MAD1L1: variants seen among roughly 807,000 people sequenced by gnomAD.
MAD1L1 encodes the protein mitotic spindle assembly checkpoint protein MAD1.
Under a neutral mutation model 96.9 loss-of-function variants are expected in MAD1L1, and 95 were observed. The ratio of observed to expected loss-of-function variants is 0.98; its 90% CI spans 0.83 to 1.16. MAD1L1 has a LOEUF of 1.16. Ranked by LOEUF, MAD1L1 falls within the 50% of genes most tolerant of loss-of-function variation. MAD1L1 has a pLI of 0.00. For synonymous variants in MAD1L1, 473 were observed against 396.6 expected, an observed-to-expected ratio of 1.19 and a Z score of -2.29; for missense variants, 1,007 against 954.4, an observed-to-expected ratio of 1.06 and a Z score of -0.73.
At chr7:1,922,966 T>C (rs777094456) in intron 17 of MAD1L1, among the ~76,000 whole-genome samples, 54 of 152,302 alleles carry the variant, frequency 3.5e-4, no homozygotes, top group Non-Finnish European at 6.2e-4. Context: ...AAACAGAAAA[T>C]AGCCCCGCAG....
intron 10 of MAD1L1, among the ~76,000 whole-genome samples, chr7:2,203,126 C>G (rs986474641): frequency 2.6e-5 from 4 of 152,210 alleles, no homozygotes; most frequent in African/African-American, 9.6e-5. Flanking sequence ...GGATGGGAAG[C>G]AAGGCCAGAT....
chr7:2,162,541 C>T (rs1462087254), intron 10 of MAD1L1, among the ~76,000 whole-genome samples: 3 of 151,380 alleles, frequency 2.0e-5, no homozygotes, highest in African/African-American at 7.3e-5. Context: ...GTCCTATGAC[C>T]CTGCCAAATC....
At chr7:2,195,675 G>A (rs1445565822) in intron 10 of MAD1L1, among the ~76,000 whole-genome samples, 1 of 152,224 alleles carries the variant, frequency 6.6e-6, no homozygotes, top group East Asian at 1.9e-4. Flanking sequence ...GAACAAGATA[G>A]TATTGTGTTG....
Position 2,055,721 on chromosome 7 carries a change from G to A in MAD1L1, c.1218+13473C>T, listed in dbSNP as rs141902833. Reference sequence around the variant, plus strand: ...GGACCAGGCACAGTGGCTCACAGCTGTAATCCCAGCACTTTGGGAGGCTGA... The same window carrying A: ...GGACCAGGCACAGTGGCTCACAGCTATAATCCCAGCACTTTGGGAGGCTGA... On this transcript the variant is annotated intron_variant, in intron 12 of 18. Coordinates refer to ENST00000265854, the MANE Select transcript of MAD1L1 (RefSeq NM_001013836.2). Among the ~76,000 whole-genome samples the A allele has an allele frequency of 1.2e-4, 18 of 150,772 alleles. No homozygotes were observed. In the East Asian group the frequency reaches 3.3e-3, roughly 28 times the overall value.
At chr7:2,147,942 C>T (rs769442109) in intron 11 of MAD1L1, among the ~76,000 whole-genome samples, 7 of 152,236 alleles carry the variant, frequency 4.6e-5, no homozygotes, top group Non-Finnish European at 7.3e-5. Context: ...AGGCAACTTT[C>T]CTTTCCTTTA....
chr7:1,852,506 T>C (rs1406116843), intron 18 of MAD1L1, among the ~76,000 whole-genome samples: 2 of 152,148 alleles, frequency 1.3e-5, no homozygotes, highest in Non-Finnish European at 2.9e-5. Context: ...GCGGAGAGGC[T>C]GGGGCAGCCA....
intron 11 of MAD1L1, chr7:2,079,818 G>A (rs922840016): frequency 1.3e-5 from 6 of 464,614 alleles, no homozygotes; most frequent in Non-Finnish European, 2.7e-5. Flanking sequence ...AATGAGAACT[G>A]CAGAGACAAG....
At chr7:1,965,083 T>C (rs1780107139) in intron 15 of MAD1L1, among the ~76,000 whole-genome samples, 1 of 152,218 alleles carries the variant, frequency 6.6e-6, no homozygotes, top group African/African-American at 2.4e-5. Context: ...AGCTCCACGT[T>C]TCCAGCCCTG....
At chr7:2,157,742 C>A (rs1168640037) in intron 10 of MAD1L1, among the ~76,000 whole-genome samples, 1 of 152,180 alleles carries the variant, frequency 6.6e-6, no homozygotes, top group Admixed American at 6.5e-5. Flanking sequence ...ACAATTGCAG[C>A]CTTCGCCACA....
At chr7:1,836,203 G>A (rs985831634) in intron 18 of MAD1L1, among the ~76,000 whole-genome samples, 2 of 152,030 alleles carry the variant, frequency 1.3e-5, no homozygotes, top group African/African-American at 4.8e-5. Flanking sequence ...TGTATTTTTA[G>A]TAGAGATGGG....
rs1161801282 is a variant in MAD1L1, at chr7:2,119,444, T to A, written c.1073+29708A>T. Among the ~76,000 whole-genome samples the A allele has an allele frequency of 6.6e-6, 1 of 151,950 alleles. No homozygotes were observed. The highest frequency in any genetic ancestry group is 1.5e-5 in the Non-Finnish European group (1 of 67,984). ...GCAGGAGCTGTCGTGGGGCGCACAC[T>A]CTCTGTAGCTGGCCAAAGCTGGACG... is the stretch of plus-strand genomic sequence containing the variant. On this transcript the variant is annotated intron_variant, in intron 11 of 18. Coordinates refer to ENST00000265854, the MANE Select transcript of MAD1L1 (RefSeq NM_001013836.2). This position sits in a 1 kb window ranked among gnomAD's most constrained non-coding sequence, Gnocchi z 4.6.
At chr7:1,928,373 C>A (rs1005889561) in intron 17 of MAD1L1, among the ~76,000 whole-genome samples, 2 of 151,564 alleles carry the variant, frequency 1.3e-5, no homozygotes, top group Admixed American at 6.6e-5. Flanking sequence ...ACACTGCTCC[C>A]CACCACCCAC....
chr7:2,155,840 A>G (rs1789806925), intron 10 of MAD1L1, among the ~76,000 whole-genome samples: 1 of 152,244 alleles, frequency 6.6e-6, no homozygotes, highest in African/African-American at 2.4e-5. Context: ...CTGACAGAGC[A>G]TCCCCTTTTC....
intron 15 of MAD1L1, among the ~76,000 whole-genome samples, chr7:1,979,148 C>T (rs557621309): frequency 4.6e-5 from 7 of 152,306 alleles, no homozygotes; most frequent in Non-Finnish European, 7.4e-5. Flanking sequence ...GTGGGTGTGA[C>T]GGACGAAGCA....
chr7:2,047,262 G>A (rs968867346), intron 12 of MAD1L1, among the ~76,000 whole-genome samples: 2 of 152,174 alleles, frequency 1.3e-5, no homozygotes, highest in African/African-American at 2.4e-5. Context: ...CCGCAGCTGC[G>A]TAACAAGCTG....
intron 15 of MAD1L1, among the ~76,000 whole-genome samples, chr7:1,975,329 G>A (rs1780588215): frequency 6.6e-6 from 1 of 152,256 alleles, no homozygotes; most frequent in Admixed American, 6.5e-5. Flanking sequence ...TCCAGCCACA[G>A]CTGCCCTTCC....
intron 11 of MAD1L1, among the ~76,000 whole-genome samples, chr7:2,111,967 C>T (rs184366562): frequency 5.9e-5 from 9 of 152,354 alleles, no homozygotes; most frequent in Admixed American, 5.2e-4. Flanking sequence ...TTTCCAGCAG[C>T]TTTACTCCAT....
chr7:2,020,392 C>T (rs1027382688), intron 12 of MAD1L1, among the ~76,000 whole-genome samples: 3 of 152,272 alleles, frequency 2.0e-5, no homozygotes, highest in African/African-American at 4.8e-5. Flanking sequence ...CGGCCCCCAC[C>T]CTTGCCTTCC....
In MAD1L1 at chr7:2,014,523, G is replaced by C; in HGVS notation, c.1338C>G (p.His446Gln). Residue 446 changes from histidine to glutamine, a missense_variant, in exon 13 of 19, where the codon CAC becomes CAG. By Grantham distance (24) the His-to-Gln change is conservative (BLOSUM62 0). Coordinates refer to ENST00000265854, the MANE Select transcript of MAD1L1 (RefSeq NM_001013836.2). ...TCACCTCCATCTCGGCGCTGTGGCT[G>C]TGCACCTTCTGCACCATATCCTCAG... ...REAEDMVQKV[H>Q]SHSAEMEAQL... 6.2e-7 allele frequency: 1 copy of C among 1,603,816 alleles called. No homozygotes were observed. Among genetic ancestry groups the C allele is most frequent in the South Asian group, 1.1e-5 (1 of 90,148 alleles).
Sources: allele counts gnomAD v4.1 joint callset (sites outside exome capture counted in the v4.1 genomes callset), GRCh38; gene constraint gnomAD v4.1.1; non-coding constraint Gnocchi (gnomAD v3.1); transcripts MANE v1.5; gene names NCBI Gene and HGNC (gene_info 2026-07-23, HGNC 2026-07-21).